ORC4: variants seen among roughly 807,000 people sequenced by gnomAD.
The protein encoded by ORC4 is origin recognition complex, subunit 4 homolog.
ORC4 carries 55 observed loss-of-function variants against 63.9 expected under a neutral mutation model. The ratio of observed to expected loss-of-function variants is 0.86; its 90% CI spans 0.69 to 1.08. The LOEUF is 1.08. Ranked by LOEUF, ORC4 falls within the 50% of genes least tolerant of loss-of-function variation. ORC4 has a pLI of 0.00. For missense variants in ORC4, 511 were observed against 504.4 expected (o/e 1.01, Z -0.13); for synonymous variants, 150 against 168.5 (o/e 0.89, Z 0.85).
chr2:147,961,715 C>T (rs772105894), intron 4 of ORC4, among the ~76,000 whole-genome samples: 5 of 152,256 alleles, frequency 3.3e-5, no homozygotes, highest in South Asian at 2.1e-4. Context: ...GACTGCAAGG[C>T]ACCACAATAG....
chr2:147,973,621 TAATG>T, intron 2 of ORC4, 97 bp from the exon 3 acceptor site: 1 of 713,328 alleles, frequency 1.4e-6, no homozygotes, highest in Non-Finnish European at 2.4e-6. Context: ...AATTAGGTAT[TAATG>T]AATCAATTCA....
chr2:147,955,291 G>C, intron 7 of ORC4, 56 bp downstream of exon 7: 1 of 1,223,874 alleles, frequency 8.2e-7, no homozygotes, highest in South Asian at 1.3e-5. Flanking sequence ...TTATAATCAG[G>C]GAAAAAATAA....
In ORC4 at chr2:147,933,622, G is replaced by A. The variant is rs967509291; in HGVS notation, c.*1888C>T. On this transcript the variant is annotated 3_prime_UTR_variant, in exon 14 of 14. Coordinates refer to ENST00000392857, the MANE Select transcript of ORC4 (RefSeq NM_181741.4). Reference sequence around the variant, plus strand: ...TTTAAGTGACATCTTAAGCTAATAAGAAATTGGAATCCTCAAGTCATTTCA... The same window carrying A: ...TTTAAGTGACATCTTAAGCTAATAAAAAATTGGAATCCTCAAGTCATTTCA... 6.6e-6 allele frequency: 1 copy of A among 152,080 alleles called. No homozygotes were observed. The highest frequency in any genetic ancestry group is 6.6e-5 in the Admixed American group (1 of 15,248). The allele number at this position is 152,080 out of a possible 1,614,324, so 9.4% of individuals were successfully genotyped here.
chr2:147,977,576 G>T (rs890227904), intron 1 of ORC4, among the ~76,000 whole-genome samples: 3 of 152,152 alleles, frequency 2.0e-5, no homozygotes, highest in African/African-American at 7.2e-5. Context: ...AAAGTCAATT[G>T]GAGGGCAGAT....
intron 4 of ORC4, among the ~76,000 whole-genome samples, chr2:147,968,745 T>C (rs530229171): frequency 3.0e-4 from 45 of 152,044 alleles, no homozygotes; most frequent in African/African-American, 9.6e-4. Context: ...CCACTACAAA[T>C]AGAACTACCA....
At chr2:147,965,368 T>C (rs1310064073) in intron 4 of ORC4, among the ~76,000 whole-genome samples, 2 of 151,874 alleles carry the variant, frequency 1.3e-5, no homozygotes, top group East Asian at 1.9e-4. Flanking sequence ...AACTCAATTA[T>C]ATGCTGCTAC....
At chr2:147,970,576 G>A (rs1430076516) in intron 4 of ORC4, among the ~76,000 whole-genome samples, 1 of 147,162 alleles carries the variant, frequency 6.8e-6, no homozygotes, top group Non-Finnish European at 1.5e-5. Flanking sequence ...GCAATTCAAT[G>A]GATAAAAGAT....
At chr2:147,971,647 C>T (rs1175073752) in intron 4 of ORC4, among the ~76,000 whole-genome samples, 2 of 151,512 alleles carry the variant, frequency 1.3e-5, no homozygotes, top group Admixed American at 6.6e-5. Flanking sequence ...TTCACATAGC[C>T]CTCTTGTGAA....
intron 4 of ORC4, among the ~76,000 whole-genome samples, chr2:147,963,936 C>T (rs368503826): frequency 2.1e-4 from 32 of 152,068 alleles, no homozygotes; most frequent in African/African-American, 7.0e-4. Flanking sequence ...ACTGACACCT[C>T]GAGACACATT....
intron 1 of ORC4, among the ~76,000 whole-genome samples, chr2:147,982,911 A>G (rs545452664): frequency 6.6e-6 from 1 of 152,336 alleles, no homozygotes; most frequent in South Asian, 2.1e-4. Flanking sequence ...CCATTAGAAA[A>G]TAGGCAAAAT....
chr2:148,007,361 T>C (rs1692696684), intron 1 of ORC4, among the ~76,000 whole-genome samples: 1 of 152,086 alleles, frequency 6.6e-6, no homozygotes, highest in Admixed American at 6.6e-5. Flanking sequence ...ATAAAAGAGA[T>C]AAAAAATTCA....
At chr2:147,936,578 G>A (rs923626125) in intron 13 of ORC4, 7 of 152,138 alleles carry the variant, frequency 4.6e-5, no homozygotes, top group Admixed American at 1.3e-4. Context: ...TAGAGAAACA[G>A]CTCAGATACC....
chr2:147,956,290 C>T (rs1014437436), intron 6 of ORC4, among the ~76,000 whole-genome samples: 4 of 151,998 alleles, frequency 2.6e-5, no homozygotes, highest in African/African-American at 9.7e-5. Context: ...GGCAGGCAGA[C>T]CAAGAGGTGT....
chr2:147,968,901 T>C (rs1406638679), intron 4 of ORC4, among the ~76,000 whole-genome samples: 2 of 151,826 alleles, frequency 1.3e-5, no homozygotes, highest in East Asian at 1.9e-4. Flanking sequence ...AACAGATGAA[T>C]GGATAAAGAA....
chr2:147,986,122 A>G (rs1300354094), intron 1 of ORC4, among the ~76,000 whole-genome samples: 1 of 152,222 alleles, frequency 6.6e-6, no homozygotes, highest in Non-Finnish European at 1.5e-5. Flanking sequence ...TTAAGATCAT[A>G]AACTTTCTTC....
In ORC4 at chr2:147,933,255, C is replaced by G. The variant is rs1347494708; in HGVS notation, c.*2255G>C. On this transcript the variant is annotated 3_prime_UTR_variant, in exon 14 of 14. Transcript: ENST00000392857. Reference sequence around the variant, plus strand: ...CATTATTCTTGAACCGCTTTTTAAACTAGGGTTTTTCATATTTGTTTTTAT... The same window carrying G: ...CATTATTCTTGAACCGCTTTTTAAAGTAGGGTTTTTCATATTTGTTTTTAT... 1 of 151,968 alleles carries G rather than the reference C, an allele frequency of 6.6e-6. No homozygotes were observed. Among genetic ancestry groups the G allele is most frequent in the Non-Finnish European group, 1.5e-5 (1 of 67,976 alleles). 9.4% of individuals were successfully genotyped at this position (151,968 alleles called of 1,614,324 possible).
At chr2:147,973,212 A>G (rs766470921) in intron 3 of ORC4, among the ~76,000 whole-genome samples, 1 of 152,210 alleles carries the variant, frequency 6.6e-6, no homozygotes, top group Non-Finnish European at 1.5e-5. Context: ...TCTCCACAGT[A>G]TCAGATAACA....
At position 147,932,934 on chromosome 2, in the gene ORC4, C is replaced by T. The variant is rs1210329765; in HGVS notation, c.*2576G>A. On this transcript the variant is annotated 3_prime_UTR_variant, in exon 14 of 14. Coordinates refer to ENST00000392857, the MANE Select transcript of ORC4 (RefSeq NM_181741.4). ...AAAACGTGATTCATTAGGACATTAA[C>T]AGGTATTACGTTTTCAACATATACA... 6.6e-6 allele frequency: 1 copy of T among 152,108 alleles called. No homozygotes were observed. Among genetic ancestry groups the T allele is most frequent in the Non-Finnish European group, 1.5e-5 (1 of 68,018 alleles). 9.4% of individuals were successfully genotyped at this position (152,108 alleles called of 1,614,324 possible). A position where few individuals can be genotyped will look rare whatever the true frequency, so the allele number is the denominator to read the frequency against.
At chr2:148,000,551 G>T (rs1314414549) in intron 1 of ORC4, among the ~76,000 whole-genome samples, 7 of 152,114 alleles carry the variant, frequency 4.6e-5, no homozygotes, top group African/African-American at 9.6e-5. Flanking sequence ...AAAGCTACTA[G>T]AAAATGGAAT....
Sources: gnomAD v4.1 joint callset for allele counts (sites outside exome capture counted in the v4.1 genomes callset) on GRCh38, gnomAD v4.1.1 for gene constraint, MANE v1.5 for transcripts, NCBI Gene and HGNC (gene_info 2026-07-23, HGNC 2026-07-21) for gene names.